USF2: variants seen among roughly 807,000 people sequenced by gnomAD.
USF2 encodes the protein upstream stimulatory factor 2.
In USF2, 16 loss-of-function variants were observed where a neutral mutation model predicts 46.9. That is an observed-to-expected ratio of 0.34 (90% CI 0.23 to 0.52). The LOEUF is 0.52. USF2 is among the 20% of genes least tolerant of loss of function. The probability of loss-of-function intolerance (pLI) is 0.96; values close to 1 mark genes in which losing one functional copy is unlikely to be tolerated. For missense variants in USF2, 411 were observed against 474.0 expected (o/e 0.87, Z 1.23); for synonymous variants, 239 against 194.1 (o/e 1.23, Z -1.92).
intron 7 of USF2, chr19:35,276,981 C>G (rs916145): frequency 0.89 from 136,326 of 152,358 alleles, 61,244 homozygotes; most frequent in Admixed American, 0.94. Context: ...AGAGGATGTA[C>G]CTGCAGCCGG....
chr19:35,273,369 T>C (rs2066185266), intron 7 of USF2, among the ~76,000 whole-genome samples: 1 of 152,214 alleles, frequency 6.6e-6, no homozygotes, highest in Non-Finnish European at 1.5e-5. Context: ...TCTGGAATCT[T>C]CCTTTCTCCT....
intron 7 of USF2, among the ~76,000 whole-genome samples, chr19:35,273,610 T>C (rs904223912): frequency 6.6e-6 from 1 of 152,090 alleles, no homozygotes; most frequent in Non-Finnish European, 1.5e-5. Context: ...CAGGCTGGAG[T>C]ACAGTGGCAC....
At chr19:35,276,812 T>C (rs2066240392) in intron 7 of USF2, among the ~76,000 whole-genome samples, 1 of 152,218 alleles carries the variant, frequency 6.6e-6, no homozygotes, top group Non-Finnish European at 1.5e-5. Flanking sequence ...TCTTCAGTGA[T>C]GACACGAATG....
chr19:35,274,298 G>A (rs563933839), intron 7 of USF2, among the ~76,000 whole-genome samples: 6 of 152,202 alleles, frequency 3.9e-5, no homozygotes, highest in African/African-American at 1.4e-4. Flanking sequence ...ACTAAGACCA[G>A]AGCCGCTTTC....
At chr19:35,272,432 G>T (rs139536010) in intron 7 of USF2, among the ~76,000 whole-genome samples, 46 of 152,206 alleles carry the variant, frequency 3.0e-4, no homozygotes, top group African/African-American at 1.1e-3. Flanking sequence ...AGAACCTCAG[G>T]AGAGTCCCGG....
intron 6 of USF2, 71 bp downstream of exon 6, chr19:35,270,876 G>T: frequency 6.3e-7 from 1 of 1,586,644 alleles, no homozygotes; most frequent in East Asian, 2.2e-5. Context: ...AGTAGAAGCT[G>T]GGCAGTTAGC....
At chr19:35,273,247 C>A (rs898588258) in intron 7 of USF2, among the ~76,000 whole-genome samples, 9 of 152,196 alleles carry the variant, frequency 5.9e-5, no homozygotes, top group Admixed American at 2.0e-4. Context: ...CATGGCTCTA[C>A]CAAAACAGCT....
Position 35,279,359 on chromosome 19 carries a change from G to T in USF2, c.*103G>T. 3 of 1,238,932 alleles carry T rather than the reference G, an allele frequency of 2.4e-6. No individual in the cohort carries two copies. Among genetic ancestry groups the T allele is most frequent in the Non-Finnish European group, 3.2e-6 (3 of 945,800 alleles). 76.7% of individuals were successfully genotyped at this position (1,238,932 alleles called of 1,614,324 possible). A position where few individuals can be genotyped will look rare whatever the true frequency, so the allele number is the denominator to read the frequency against. The stretch of plus-strand genomic sequence containing the variant: ...GGACACATGCCCCTCCCCCAGCTGC[G>T]TTTTTTTATAGTAGATTTTTAACAA... On this transcript the variant is annotated 3_prime_UTR_variant, in exon 10 of 10. Coordinates refer to ENST00000222305, the MANE Select transcript of USF2 (RefSeq NM_003367.4).
intron 7 of USF2, among the ~76,000 whole-genome samples, chr19:35,274,576 C>T (rs534420353): frequency 9.9e-5 from 15 of 152,232 alleles, no homozygotes; most frequent in African/African-American, 2.4e-4. Flanking sequence ...CCAAGACGGA[C>T]GGATCACTTG....
At chr19:35,272,135 C>T (rs1029550181) in intron 7 of USF2, among the ~76,000 whole-genome samples, 4 of 152,124 alleles carry the variant, frequency 2.6e-5, no homozygotes, top group African/African-American at 4.8e-5. Context: ...TGAGTTCAGG[C>T]GTTCATTCAG....
At chr19:35,278,369 A>G in intron 7 of USF2, 1 of 273,444 alleles carries the variant, frequency 3.7e-6, no homozygotes, top group Non-Finnish European at 7.1e-6. Context: ...GCCAATTACC[A>G]TGAGAAATTT....
chr19:35,278,457 CT>C lies in USF2; in HGVS notation c.728-238del, dbSNP rs2066264552. ...GCAAAATGATCTCCAAGTGCCTGGC[CT>C]TTGATGCCCGTCCTAAAAGCATGTG... is the stretch of plus-strand genomic sequence containing the variant. On this transcript the variant is annotated intron_variant, in intron 7 of 9. Coordinates refer to ENST00000222305, the MANE Select transcript of USF2 (RefSeq NM_003367.4). 3 of 484,392 alleles carry C rather than the reference CT, an allele frequency of 6.2e-6. No individual in the cohort carries two copies. The East Asian group carries it at 1.0e-4, about 17-fold the overall frequency. The allele number at this position is 484,392 out of a possible 1,614,324, so 30.0% of individuals were successfully genotyped here.
rs777463540 is a variant in USF2 at position 35,269,543 on chromosome 19, C to T, written c.110-38C>T. On this transcript the variant is annotated intron_variant, in intron 2 of 9. Coordinates refer to ENST00000222305, the MANE Select transcript of USF2 (RefSeq NM_003367.4). ...CCCGGGGAGGGCTGGGGGCGCTCGGCGCGGCCCTGACCGTGCCCCGACCCT... is the reference window on the plus strand; with the variant it reads ...CCCGGGGAGGGCTGGGGGCGCTCGGTGCGGCCCTGACCGTGCCCCGACCCT... 5.8e-6 allele frequency: 9 copies of T among 1,556,584 alleles called. No individual in the cohort carries two copies. In the South Asian group the frequency reaches 1.1e-4, roughly 18 times the overall value.
chr19:35,269,230 C>A (rs1162341508), intron 1 of USF2, 67 bp downstream of exon 1: 1 of 963,790 alleles, frequency 1.0e-6, no homozygotes, highest in African/African-American at 1.8e-5. Context: ...GCCTGCAGGC[C>A]GGGGCCGCCA....
In USF2 at chr19:35,270,510, G is replaced by A. The variant is rs372626837; in HGVS notation, c.493G>A (p.Ala165Thr). The change falls in exon 5 of 10, where the codon GCA becomes ACA. Residue 165 changes from alanine (A) to threonine (T), a missense_variant. Around this residue, in one of 2 missense-constraint regions of USF2, gnomAD observed 318 missense variants for 322.4 expected, o/e 0.99. Transcript: ENST00000222305. ...GGCGGCCGAGGCTGTCAGCGGGGAG[G>A]CACGATTTGCCTATTTCCCAGCGTC... is the stretch of plus-strand genomic sequence containing the variant. ...SPAAEAVSGE[A>T]RFAYFPASSV... 51 of 1,614,034 alleles carry A rather than the reference G, an allele frequency of 3.2e-5. No individual in the cohort carries two copies. The highest frequency in any genetic ancestry group is 4.1e-5 in the Non-Finnish European group (48 of 1,180,022).
intron 7 of USF2, among the ~76,000 whole-genome samples, 188 bp downstream of exon 7, chr19:35,271,329 G>A (rs1330664323): frequency 6.6e-6 from 1 of 152,198 alleles, no homozygotes; most frequent in African/African-American, 2.4e-5. Context: ...AGAAGTAGAG[G>A]GACAGGGAGT....
At position 35,269,216 on chromosome 19, in the gene USF2, C is replaced by T. The variant is rs1382637844; in HGVS notation, c.62+53C>T. The T allele has an allele frequency of 4.1e-6, 4 of 975,346 alleles. No homozygotes were observed. In the African/African-American group the frequency reaches 5.5e-5, roughly 13 times the overall value. 60.4% of individuals were successfully genotyped at this position (975,346 alleles called of 1,614,324 possible). A position where few individuals can be genotyped will look rare whatever the true frequency, so the allele number is the denominator to read the frequency against. ...CGCGCCCCGGCCCCGGCCCCGGCCCCGCGGCCTGCAGGCCGGGGCCGCCAT... is the reference window on the plus strand; with the variant it reads ...CGCGCCCCGGCCCCGGCCCCGGCCCTGCGGCCTGCAGGCCGGGGCCGCCAT... On this transcript the variant is annotated intron_variant, in intron 1 of 9. Transcript: ENST00000222305.
chr19:35,273,985 A>G (rs191980556), intron 7 of USF2, among the ~76,000 whole-genome samples: 10 of 152,288 alleles, frequency 6.6e-5, no homozygotes, highest in African/African-American at 2.4e-4. Flanking sequence ...TTGCTGCAGA[A>G]GAGTGTGTGA....
intron 1 of USF2, 64 bp downstream of exon 1, chr19:35,269,227 G>T: frequency 1.0e-6 from 1 of 966,962 alleles, no homozygotes; most frequent in Non-Finnish European, 1.2e-6. Context: ...GCGGCCTGCA[G>T]GCCGGGGCCG....
Sources: gnomAD v4.1 joint callset for allele counts (sites outside exome capture counted in the v4.1 genomes callset) on GRCh38, gnomAD v4.1.1 for gene constraint, gnomAD v4.1.1 regional missense constraint, MANE v1.5 for transcripts, NCBI Gene and HGNC (gene_info 2026-07-23, HGNC 2026-07-21) for gene names.